Variants in ZNF407 observed in about 807,000 individuals in gnomAD.
ZNF407 encodes zinc finger protein 407.
In ZNF407, 17 loss-of-function variants were observed where a neutral mutation model predicts 131.2. The observed-to-expected ratio is 0.13, with a 90% CI of 0.09 to 0.19. ZNF407 has a LOEUF of 0.19. ZNF407 is among the 10% of genes least tolerant of loss of function. The pLI is 1.00. For missense variants in ZNF407, 2,681 were observed against 2,830.6 expected (o/e 0.95, Z 1.20); for synonymous variants, 1,156 against 1,062.0 (o/e 1.09, Z -1.72).
At chr18:74,781,645 T>C in intron 4 of ZNF407, 143 bp downstream of exon 4, 1 of 587,528 alleles carries the variant, frequency 1.7e-6, no homozygotes. Flanking sequence ...AAATATCATA[T>C]TTTATGCCAT....
intron 1 of ZNF407, among the ~76,000 whole-genome samples, chr18:74,617,857 C>A (rs895853052): frequency 2.6e-5 from 4 of 152,136 alleles, no homozygotes; most frequent in Admixed American, 1.3e-4. Flanking sequence ...TCTAAAACGC[C>A]CCCCCTAGAT....
chr18:75,059,679 G>T (rs1378735911), intron 8 of ZNF407, among the ~76,000 whole-genome samples: 2 of 152,188 alleles, frequency 1.3e-5, no homozygotes, highest in Admixed American at 1.3e-4. Context: ...ACTGACCGGG[G>T]ATCAGCCACA....
At chr18:74,794,067 C>T (rs1360166493) in intron 4 of ZNF407, among the ~76,000 whole-genome samples, 3 of 152,140 alleles carry the variant, frequency 2.0e-5, no homozygotes, top group Non-Finnish European at 4.4e-5. Flanking sequence ...GACATTGAGT[C>T]GAGAGAACTT....
rs200753003 is a variant in ZNF407 at position 75,064,476 on chromosome 18, G to A, written c.*8G>A. 4.7e-4 allele frequency: 689 copies of A among 1,472,962 alleles called. 5 individuals carry two copies. In the African/African-American group the frequency reaches 7.9e-3, roughly 17 times the overall value. 91.2% of individuals were successfully genotyped at this position (1,472,962 alleles called of 1,614,324 possible). On this transcript the variant is annotated 3_prime_UTR_variant, in exon 9 of 9. Coordinates refer to ENST00000299687, the MANE Select transcript of ZNF407 (RefSeq NM_017757.3). ...GAACTCCAGGAAGCATGAGACGCGCGGCACCTTTACTCAGCACAGGGCAGG... is the reference window on the plus strand; with the variant it reads ...GAACTCCAGGAAGCATGAGACGCGCAGCACCTTTACTCAGCACAGGGCAGG...
intron 8 of ZNF407, among the ~76,000 whole-genome samples, chr18:75,000,645 A>G (rs1972834122): frequency 6.6e-6 from 1 of 152,232 alleles, no homozygotes; most frequent in Non-Finnish European, 1.5e-5. Context: ...AAGTTTTAAG[A>G]TAAAAGATGC....
chr18:75,044,356 G>A (rs913336212), intron 8 of ZNF407, among the ~76,000 whole-genome samples: 1 of 151,442 alleles, frequency 6.6e-6, no homozygotes, highest in East Asian at 1.9e-4. Context: ...AAAAAAACAG[G>A]TTTTTGTTTG....
chr18:74,736,428 A>T (rs1473681616), intron 3 of ZNF407, among the ~76,000 whole-genome samples: 1 of 152,156 alleles, frequency 6.6e-6, no homozygotes, highest in African/African-American at 2.4e-5. Flanking sequence ...AGGTTAACTC[A>T]TTGGAGCTTA....
At chr18:74,822,095 C>A (rs971030175) in intron 4 of ZNF407, among the ~76,000 whole-genome samples, 4 of 152,024 alleles carry the variant, frequency 2.6e-5, no homozygotes, top group Non-Finnish European at 4.4e-5. Flanking sequence ...CTGTTCATAT[C>A]CTTTGGCCAC....
chr18:74,831,309 A>G lies in ZNF407; in HGVS notation c.4878-45888A>G, dbSNP rs556759974. 2.0e-5 allele frequency among the ~76,000 whole-genome samples: 3 copies of G among 152,298 alleles called. No homozygotes were observed. The South Asian group carries it at 6.2e-4, about 32-fold the overall frequency. On this transcript the variant is annotated intron_variant, in intron 4 of 8. Transcript: ENST00000299687. ...AAAGCATTTTTCAGTGTACAGTTAA[A>G]CATTAAGTACACTGACATTATTGCA... is the stretch of plus-strand genomic sequence containing the variant.
At chr18:74,844,227 C>G (rs920616413) in intron 4 of ZNF407, among the ~76,000 whole-genome samples, 2 of 152,158 alleles carry the variant, frequency 1.3e-5, no homozygotes, top group Admixed American at 6.5e-5. Context: ...TTCTCCTCCC[C>G]CATGGCGTGA....
intron 4 of ZNF407, chr18:74,804,642 C>G (rs576453378): frequency 1.0e-6 from 1 of 974,196 alleles, no homozygotes. Flanking sequence ...GTCTCTAAAA[C>G]GTCTGATTAT....
chr18:74,813,218 GTC>G lies in ZNF407; in HGVS notation c.4877+31717_4877+31718del, dbSNP rs749413893. On this transcript the variant is annotated intron_variant, in intron 4 of 8. Coordinates refer to ENST00000299687, the MANE Select transcript of ZNF407 (RefSeq NM_017757.3). The stretch of plus-strand genomic sequence containing the variant: ...GTAAGACTTGGTCCCTGTGTGGTTT[GTC>G]CCTGTGGACATCCTGTGTTTTTGAT... Among the ~76,000 whole-genome samples the G allele has an allele frequency of 3.9e-3, 564 of 144,082 alleles. 1 individual carries two copies. Among genetic ancestry groups the G allele is most frequent in the Non-Finnish European group, 4.7e-3 (302 of 63,878 alleles). The allele number at this position is 144,082 out of a possible 152,430, so 94.5% of individuals were successfully genotyped here.
At chr18:74,779,105 A>ATTTTTTT (rs1969539621) in intron 3 of ZNF407, among the ~76,000 whole-genome samples, 1 of 24,864 alleles carries the variant, frequency 4.0e-5, no homozygotes, top group African/African-American at 1.1e-4. Flanking sequence ...ATATATATAT[A>ATTTTTTT]TATATTTTTT....
At chr18:74,934,637 C>G (rs1452609382) in intron 8 of ZNF407, among the ~76,000 whole-genome samples, 1 of 152,172 alleles carries the variant, frequency 6.6e-6, no homozygotes, top group African/African-American at 2.4e-5. Context: ...AAAACCCCGT[C>G]TCTACTAAAA....
At chr18:74,761,114 C>T (rs1384442093) in intron 3 of ZNF407, among the ~76,000 whole-genome samples, 1 of 152,054 alleles carries the variant, frequency 6.6e-6, no homozygotes, top group African/African-American at 2.4e-5. Context: ...GAAATACAAA[C>T]AATTTTATTT....
Position 74,985,039 on chromosome 18 carries a change from C to T in ZNF407, c.5428+64347C>T, listed in dbSNP as rs141861344. ...AAATTACCTTTTCTAATAATATATG[C>T]AGTGATACATTAGTGACCCCAAAGA... On this transcript the variant is annotated intron_variant, in intron 8 of 8. Transcript: ENST00000299687. 9.8e-5 allele frequency among the ~76,000 whole-genome samples: 15 copies of T among 152,320 alleles called. No homozygotes were observed. The East Asian group carries it at 2.5e-3, about 25-fold the overall frequency.
intron 1 of ZNF407, among the ~76,000 whole-genome samples, chr18:74,629,212 C>T (rs1032035605): frequency 6.6e-6 from 1 of 152,160 alleles, no homozygotes. Context: ...ACATTCTTGC[C>T]AACGCTTGTT....
intron 3 of ZNF407, among the ~76,000 whole-genome samples, chr18:74,733,133 A>G (rs1016874103): frequency 9.9e-5 from 15 of 152,186 alleles, no homozygotes; most frequent in Admixed American, 2.0e-4. Flanking sequence ...TTTTTTCAAG[A>G]TATAATAAGC....
chr18:75,014,300 G>A (rs904022546), intron 8 of ZNF407, among the ~76,000 whole-genome samples: 20 of 151,930 alleles, frequency 1.3e-4, no homozygotes, highest in African/African-American at 4.8e-4. Flanking sequence ...TTTGGTGTTC[G>A]AAATATAAAA....
Sources: gnomAD v4.1 joint callset for allele counts (sites outside exome capture counted in the v4.1 genomes callset) on GRCh38, gnomAD v4.1.1 for gene constraint, MANE v1.5 for transcripts, NCBI Gene and HGNC (gene_info 2026-07-23, HGNC 2026-07-21) for gene names.